The following NAA30 variants were observed in gnomAD, a reference collection of about 807,000 sequenced individuals.
The protein encoded by NAA30 is N-alpha-acetyltransferase 30.
In NAA30, 5 loss-of-function variants were observed where a neutral mutation model predicts 31.4. The observed-to-expected ratio is 0.16, with a 90% CI of 0.08 to 0.33. The LOEUF is 0.33. Ranked by LOEUF, NAA30 falls within the 10% of genes least tolerant of loss-of-function variation. The pLI is 1.00. For synonymous variants in NAA30, 222 were observed against 207.1 expected, an observed-to-expected ratio of 1.07 and a Z score of -0.62; for missense variants, 428 against 490.8, an observed-to-expected ratio of 0.87 and a Z score of 1.21.
At chr14:57,396,529 A>C (rs1200412656) in intron 2 of NAA30, among the ~76,000 whole-genome samples, 1 of 152,226 alleles carries the variant, frequency 6.6e-6, no homozygotes, top group Non-Finnish European at 1.5e-5. Flanking sequence ...AGTAAGCATA[A>C]AAAATTCATG....
In NAA30 at chr14:57,391,499, A is replaced by G; in HGVS notation, c.542A>G (p.Asp181Gly). ...ACCGAGCAGGAGGAGGAGGAGGAAG[A>G]CGAGCAGGTGCGGCTGCTGTCTTCG... is the stretch of plus-strand genomic sequence containing the variant. The part of the protein sequence containing the change: ...EGTEQEEEEE[D>G]EQVRLLSSSL... The change falls in exon 2 of 5, where the codon GAC becomes GGC. Residue 181 changes from aspartate to glycine, a missense_variant. Asp to Gly is a moderately conservative substitution (Grantham distance 94). This residue lies in a region of NAA30 where 349 missense variants were observed against 310.4 expected (regional missense o/e 1.12). Coordinates refer to ENST00000556492, the MANE Select transcript of NAA30 (RefSeq NM_001011713.3). The surrounding 1 kb of genome is among the most constrained non-coding windows in gnomAD (Gnocchi z 4.1). 2 of 1,613,548 alleles carry G rather than the reference A, an allele frequency of 1.2e-6. No homozygotes were observed. The highest frequency in any genetic ancestry group is 1.7e-6 in the Non-Finnish European group (2 of 1,179,906).
intron 4 of NAA30, among the ~76,000 whole-genome samples, chr14:57,404,516 T>C (rs879414330): frequency 4.6e-5 from 7 of 152,196 alleles, no homozygotes; most frequent in Admixed American, 4.6e-4. Flanking sequence ...AAAACCGTAA[T>C]GAACATTACA....
In NAA30 at chr14:57,415,296, GT is replaced by G. The variant is rs763005973; in HGVS notation, c.*5781del. 48 of 152,294 alleles carry G rather than the reference GT, an allele frequency of 3.2e-4. No homozygotes were observed. Among genetic ancestry groups the G allele is most frequent in the South Asian group, 4.1e-4 (2 of 4,826 alleles). The allele number at this position is 152,294 out of a possible 1,614,324, so 9.4% of individuals were successfully genotyped here. A position where few individuals can be genotyped will look rare whatever the true frequency, so the allele number is the denominator to read the frequency against. On this transcript the variant is annotated 3_prime_UTR_variant, in exon 5 of 5. Coordinates refer to ENST00000556492, the MANE Select transcript of NAA30 (RefSeq NM_001011713.3). The stretch of plus-strand genomic sequence containing the variant: ...TTAGTATAAGTATTTAGTGAGATTT[GT>G]ATTCTAGGAAGTGTGTGCCGTCACT...
chr14:57,391,135 G>C lies in NAA30; in HGVS notation c.178G>C (p.Glu60Gln). 6.3e-7 allele frequency: 1 copy of C among 1,579,726 alleles called. No individual in the cohort carries two copies. The highest frequency in any genetic ancestry group is 1.9e-5 in the Admixed American group (1 of 53,966). Reference sequence around the variant, plus strand: ...CGGCAGCAGGAGCCCGGCGGGCGGAGAGTCGGCGACGGTGGCGGCCAAGGG... The same window carrying C: ...CGGCAGCAGGAGCCCGGCGGGCGGACAGTCGGCGACGGTGGCGGCCAAGGG... ...GGGSRSPAGG[E>Q]SATVAAKGHP... is the part of the protein sequence containing the mutation. Residue 60 changes from glutamate (E) to glutamine (Q), a missense_variant, in exon 2 of 5, where the codon GAG (glutamate) becomes CAG (glutamine). Coordinates refer to ENST00000556492, the MANE Select transcript of NAA30 (RefSeq NM_001011713.3). This position sits in a 1 kb window ranked among gnomAD's most constrained non-coding sequence, Gnocchi z 4.1.
intron 4 of NAA30, among the ~76,000 whole-genome samples, chr14:57,402,852 AAG>A (rs577137751): frequency 6.6e-6 from 1 of 152,206 alleles, no homozygotes; most frequent in African/African-American, 2.4e-5. Flanking sequence ...AATTCTTACA[AAG>A]AGAGAGATTT....
chr14:57,397,927 C>T (rs2066458503), intron 3 of NAA30, among the ~76,000 whole-genome samples: 1 of 152,170 alleles, frequency 6.6e-6, no homozygotes, highest in African/African-American at 2.4e-5. Context: ...CAAAAAACCA[C>T]TCTTCTATTC....
chr14:57,404,976 C>T (rs1203289931), intron 4 of NAA30, among the ~76,000 whole-genome samples: 1 of 151,974 alleles, frequency 6.6e-6, no homozygotes, highest in Non-Finnish European at 1.5e-5. Flanking sequence ...TTTTTTGTTG[C>T]GTACATTTAT....
At position 57,391,564 on chromosome 14, in the gene NAA30, A is replaced by AGGG; in HGVS notation, c.608_610dup (p.Arg203_Glu204insGly). On this transcript the variant is annotated inframe_insertion, in exon 2 of 5. Coordinates refer to ENST00000556492, the MANE Select transcript of NAA30 (RefSeq NM_001011713.3). This position sits in a 1 kb window ranked among gnomAD's most constrained non-coding sequence, Gnocchi z 4.1. ...CTGCAGCTTAAGAAGCCCTTCGGGC[A>AGGG]GGGAGGTTGAGCCTGGGGAGGATCG... is the stretch of plus-strand genomic sequence containing the variant. 1 of 1,614,138 alleles carries AGGG rather than the reference A, an allele frequency of 6.2e-7. No individual in the cohort carries two copies. The highest frequency in any genetic ancestry group is 8.5e-7 in the Non-Finnish European group (1 of 1,180,042).
At position 57,402,597 on chromosome 14, in the gene NAA30, A is replaced by T. The variant is rs192625731; in HGVS notation, c.951+2714A>T. ...TTTTGTTCATAGTAGGATTTTTTTT[A>T]AAAAAAGGCATCTTTAGGGTTAACC... On this transcript the variant is annotated intron_variant, in intron 4 of 4. Transcript: ENST00000556492. Among the ~76,000 whole-genome samples the T allele has an allele frequency of 2.6e-3, 389 of 149,830 alleles. 7 individuals carry two copies. The East Asian group carries it at 0.055, about 21-fold the overall frequency.
Position 57,405,436 on chromosome 14 carries a change from T to TAA in NAA30, c.952-3940_952-3939dup, listed in dbSNP as rs1555338110. On this transcript the variant is annotated intron_variant, in intron 4 of 4. Transcript: ENST00000556492. ...ATATATATGTGTATATATATATATA[T>TAA]AAAACATCTTTAGTTTCACTGGAAA... Among the ~76,000 whole-genome samples, 158 of 151,186 alleles carry TAA rather than the reference T, an allele frequency of 1.0e-3. 1 individual carries two copies. Among genetic ancestry groups the TAA allele is most frequent in the Non-Finnish European group, 1.4e-3 (95 of 67,782 alleles).
At chr14:57,390,753 C>T in intron 1 of NAA30, 48 bp downstream of exon 1, 1 of 440,794 alleles carries the variant, frequency 2.3e-6, no homozygotes, top group Non-Finnish European at 3.7e-6. Flanking sequence ...CGGGTGGGCC[C>T]GGGCGGACGG....
intron 2 of NAA30, among the ~76,000 whole-genome samples, chr14:57,393,153 A>T (rs2066437057): frequency 6.6e-6 from 1 of 152,184 alleles, no homozygotes; most frequent in Non-Finnish European, 1.5e-5. Flanking sequence ...GTTGAAATAG[A>T]TGTTTTTCTG....
intron 3 of NAA30, among the ~76,000 whole-genome samples, chr14:57,397,399 C>T (rs1329049099): frequency 6.6e-6 from 1 of 152,152 alleles, no homozygotes; most frequent in Admixed American, 6.5e-5. Flanking sequence ...GTTGGGTCTA[C>T]TTTTCCTGAC....
chr14:57,397,766 A>C (rs1335958728), intron 3 of NAA30, among the ~76,000 whole-genome samples: 1 of 152,224 alleles, frequency 6.6e-6, no homozygotes, highest in East Asian at 1.9e-4. Context: ...CTCTACTAAA[A>C]ATACAAAAAT....
In NAA30 at chr14:57,391,003, G is replaced by C; in HGVS notation, c.46G>C (p.Ala16Pro). Residue 16 changes from alanine to proline, a missense_variant, in exon 2 of 5, where the codon GCA (alanine) becomes CCA (proline). Physicochemically the swap from Ala to Pro is conservative, Grantham distance 27. This residue lies in a region of NAA30 where 349 missense variants were observed against 310.4 expected (regional missense o/e 1.12). Coordinates refer to ENST00000556492, the MANE Select transcript of NAA30 (RefSeq NM_001011713.3). This position sits in a 1 kb window ranked among gnomAD's most constrained non-coding sequence, Gnocchi z 4.1. Reference protein sequence around the residue: ...PGPSSLLPPPAPPAPAAVEPR... With the variant: ...PGPSSLLPPPPPPAPAAVEPR... ...GCCTAGCAGCCTCCTCCCACCACCA[G>C]CACCTCCGGCCCCGGCGGCGGTCGA... 1 of 1,497,022 alleles carries C rather than the reference G, an allele frequency of 6.7e-7. No individual in the cohort carries two copies. The highest frequency in any genetic ancestry group is 1.5e-5 in the African/African-American group (1 of 68,350). The allele number at this position is 1,497,022 out of a possible 1,614,324, so 92.7% of individuals were successfully genotyped here.
At chr14:57,393,302 A>C (rs540461326) in intron 2 of NAA30, among the ~76,000 whole-genome samples, 1 of 152,302 alleles carries the variant, frequency 6.6e-6, no homozygotes, top group East Asian at 1.9e-4. Flanking sequence ...TTTTATGTAG[A>C]ACCCTCCCAA....
chr14:57,408,315 A>G (rs1446062133), intron 4 of NAA30, among the ~76,000 whole-genome samples: 1 of 152,206 alleles, frequency 6.6e-6, no homozygotes, highest in Non-Finnish European at 1.5e-5. Context: ...TGAAAAGGCA[A>G]ATAGAGCTAC....
At position 57,391,879 on chromosome 14, in the gene NAA30, T is replaced by C. The variant is rs2066429711; in HGVS notation, c.771+151T>C. The C allele has an allele frequency of 3.0e-6, 2 of 677,826 alleles. No homozygotes were observed. The highest frequency in any genetic ancestry group is 5.0e-6 in the Non-Finnish European group (2 of 402,792). The allele number at this position is 677,826 out of a possible 1,614,324, so 42.0% of individuals were successfully genotyped here. ...CAAGTGCTGTACACATTCCTAGTTA[T>C]TTAATGAAATTGTTTTGAAGGTAAG... On this transcript the variant is annotated intron_variant, in intron 2 of 4. Coordinates refer to ENST00000556492, the MANE Select transcript of NAA30 (RefSeq NM_001011713.3). This position sits in a 1 kb window ranked among gnomAD's most constrained non-coding sequence, Gnocchi z 4.1.
chr14:57,397,036 A>T (rs2066453653), intron 3 of NAA30, among the ~76,000 whole-genome samples, 161 bp downstream of exon 3: 1 of 152,240 alleles, frequency 6.6e-6, no homozygotes, highest in Admixed American at 6.5e-5. Flanking sequence ...GTATTTTTAA[A>T]AAGTTCTTAA....
Sources: allele counts gnomAD v4.1 joint callset (sites outside exome capture counted in the v4.1 genomes callset), GRCh38; gene constraint gnomAD v4.1.1; regional missense constraint gnomAD v4.1.1; non-coding constraint Gnocchi (gnomAD v3.1); transcripts MANE v1.5; gene names NCBI Gene and HGNC (gene_info 2026-07-23, HGNC 2026-07-21).